The following MARK3 variants were observed in gnomAD, a reference collection of about 807,000 sequenced individuals.
MARK3 encodes microtubule affinity regulating kinase 3.
Under a neutral mutation model 90.1 loss-of-function variants are expected in MARK3, and 46 were observed. The observed-to-expected ratio is 0.51, with a 90% CI of 0.40 to 0.65. The LOEUF (loss-of-function observed/expected upper bound fraction) is 0.65. MARK3 is among the 30% of genes least tolerant of loss of function. The pLI, the probability that MARK3 is intolerant of heterozygous loss-of-function variation, is 0.00. For synonymous variants in MARK3, 321 were observed against 332.6 expected (o/e 0.97, Z 0.38); for missense variants, 818 against 947.2 (o/e 0.86, Z 1.79).
chr14:103,451,132 C>T (rs1266974918), intron 4 of MARK3, among the ~76,000 whole-genome samples: 1 of 151,518 alleles, frequency 6.6e-6, no homozygotes, highest in Non-Finnish European at 1.5e-5. Context: ...GGAATTTTGC[C>T]ATGTTGCCGA....
intron 3 of MARK3, chr14:103,441,608 A>G (rs1299513258): frequency 6.6e-6 from 1 of 152,098 alleles, no homozygotes; most frequent in Admixed American, 6.6e-5. Flanking sequence ...TCTTTAAGAA[A>G]TTCTTCTCTA....
chr14:103,464,379 A>G (rs1485009019), intron 7 of MARK3, among the ~76,000 whole-genome samples: 1 of 133,058 alleles, frequency 7.5e-6, no homozygotes, highest in East Asian at 2.2e-4. Context: ...GCTCACTGCA[A>G]CCTCCACCTC....
intron 2 of MARK3, among the ~76,000 whole-genome samples, chr14:103,414,636 G>C (rs2091855394): frequency 6.6e-6 from 1 of 152,204 alleles, no homozygotes; most frequent in Non-Finnish European, 1.5e-5. Flanking sequence ...TGGGAAGAGT[G>C]GCATTGATGA....
At chr14:103,461,310 C>G (rs1010427843) in intron 6 of MARK3, among the ~76,000 whole-genome samples, 1 of 152,172 alleles carries the variant, frequency 6.6e-6, no homozygotes, top group Non-Finnish European at 1.5e-5. Context: ...TTTCTATAGA[C>G]TTTTCTGTAT....
intron 2 of MARK3, among the ~76,000 whole-genome samples, chr14:103,416,623 T>C (rs1186562842): frequency 6.6e-6 from 1 of 152,040 alleles, no homozygotes; most frequent in Non-Finnish European, 1.5e-5. Context: ...ATACAAAAAA[T>C]TATCTGGGCA....
At chr14:103,422,554 A>G (rs1436595976) in intron 2 of MARK3, among the ~76,000 whole-genome samples, 2 of 152,304 alleles carry the variant, frequency 1.3e-5, no homozygotes, top group Admixed American at 6.5e-5. Context: ...TTGAATAACC[A>G]TGACCCGGGC....
chr14:103,385,617 G>T lies in MARK3; in HGVS notation c.-413G>T, dbSNP rs530034780. On this transcript the variant is annotated 5_prime_UTR_variant, in exon 1 of 18. Coordinates refer to ENST00000429436, the MANE Select transcript of MARK3 (RefSeq NM_001128918.3). ...CCTTCACATCCTCCTCCGCCTCCTC[G>T]TTTTCAGGCGCCGCCGGCGGCGCTG... The T allele has an allele frequency of 8.5e-5, 14 of 164,256 alleles. No homozygotes were observed. The East Asian group carries it at 2.4e-3, about 28-fold the overall frequency. The allele number at this position is 164,256 out of a possible 1,614,324, so 10.2% of individuals were successfully genotyped here.
chr14:103,468,314 CTTTTTTTTTTT>C lies in MARK3; in HGVS notation c.1264+146_1264+156del, dbSNP rs759932678. On this transcript the variant is annotated intron_variant, in intron 12 of 17. Transcript: ENST00000429436. Reference sequence around the variant, plus strand: ...CTTGGCATTGCTTTCTTTCTTTCTTCTTTTTTTTTTTTTTTTTTTTTTTTTTTTGAGACAGA... The same window carrying C: ...CTTGGCATTGCTTTCTTTCTTTCTTCTTTTTTTTTTTTTTTTTGAGACAGA... The C allele has an allele frequency of 5.7e-4, 66 of 116,116 alleles. 1 individual carries two copies. Among genetic ancestry groups the C allele is most frequent in the South Asian group, 1.1e-3 (6 of 5,344 alleles). 7.2% of individuals were successfully genotyped at this position (116,116 alleles called of 1,614,324 possible). A position where few individuals can be genotyped will look rare whatever the true frequency, so the allele number is the denominator to read the frequency against.
intron 1 of MARK3, among the ~76,000 whole-genome samples, chr14:103,389,179 A>G (rs1482581025): frequency 1.3e-5 from 2 of 151,836 alleles, no homozygotes; most frequent in Non-Finnish European, 2.9e-5. Context: ...CCTGGCTAAC[A>G]TGGTGAAACC....
At chr14:103,387,744 C>T (rs954502899) in intron 1 of MARK3, among the ~76,000 whole-genome samples, 11 of 152,202 alleles carry the variant, frequency 7.2e-5, no homozygotes, top group African/African-American at 2.6e-4. Context: ...CCACCCGCCT[C>T]GGCTCCCCAA....
In MARK3 at chr14:103,483,569, C is replaced by G. The variant is rs552631488; in HGVS notation, c.1586+3079C>G. Among the ~76,000 whole-genome samples the G allele has an allele frequency of 3.9e-5, 6 of 152,144 alleles. No homozygotes were observed. The South Asian group carries it at 6.2e-4, about 16-fold the overall frequency. On this transcript the variant is annotated intron_variant, in intron 14 of 17. Transcript: ENST00000429436. ...AATTAGTTTTATTAATTGGTTCTTA[C>G]TAGGCCAATCTTTGTTTTATCAGCT...
intron 12 of MARK3, among the ~76,000 whole-genome samples, chr14:103,472,147 T>C (rs2093636558): frequency 6.7e-6 from 1 of 150,110 alleles, no homozygotes; most frequent in South Asian, 2.1e-4. Context: ...GAGGCGGAGC[T>C]TGCAGTGAGC....
intron 2 of MARK3, among the ~76,000 whole-genome samples, chr14:103,423,219 CCT>C (rs1491255923): frequency 1.1e-4 from 1 of 8,732 alleles, no homozygotes; most frequent in East Asian, 3.9e-3. Context: ...TTTTTTGCCT[CCT>C]CTTTTACTGA....
intron 13 of MARK3, among the ~76,000 whole-genome samples, chr14:103,476,170 CT>C (rs960233427): frequency 3.3e-5 from 5 of 152,106 alleles, no homozygotes; most frequent in African/African-American, 1.2e-4. Context: ...CCTGCTGAGC[CT>C]TAGGTTGTCA....
intron 3 of MARK3, among the ~76,000 whole-genome samples, chr14:103,437,603 T>C (rs1595676240): frequency 6.6e-6 from 1 of 152,156 alleles, no homozygotes; most frequent in East Asian, 1.9e-4. Context: ...ATATTTTTCA[T>C]TGTACCAAGG....
At chr14:103,464,641 C>T (rs1248108343) in intron 7 of MARK3, among the ~76,000 whole-genome samples, 2 of 152,122 alleles carry the variant, frequency 1.3e-5, no homozygotes, top group East Asian at 3.9e-4. Context: ...CTCCCCTCCT[C>T]ATTAACAGCC....
chr14:103,458,951 A>T (rs895466813), intron 6 of MARK3, among the ~76,000 whole-genome samples: 1 of 147,808 alleles, frequency 6.8e-6, no homozygotes, highest in Non-Finnish European at 1.5e-5. Flanking sequence ...TTAAAGCTAT[A>T]AAAAAAAAAG....
intron 15 of MARK3, 47 bp from the exon 16 acceptor site, chr14:103,498,455 G>A (rs2075465902): frequency 3.3e-6 from 4 of 1,196,666 alleles, no homozygotes; most frequent in Admixed American, 4.3e-5. Flanking sequence ...TAATTTGTGC[G>A]AGTTATTTTT....
intron 14 of MARK3, among the ~76,000 whole-genome samples, chr14:103,486,786 T>C (rs2093937380): frequency 6.6e-6 from 1 of 152,202 alleles, no homozygotes; most frequent in Admixed American, 6.5e-5. Flanking sequence ...TTAGGCCTAC[T>C]GTAGAAATCA....
Sources: gnomAD v4.1 joint callset for allele counts (sites outside exome capture counted in the v4.1 genomes callset) on GRCh38, gnomAD v4.1.1 for gene constraint, MANE v1.5 for transcripts, NCBI Gene and HGNC (gene_info 2026-07-23, HGNC 2026-07-21) for gene names.